Variants in TBC1D22A observed in about 807,000 individuals in gnomAD.
The protein encoded by TBC1D22A is putative GTPase activator.
TBC1D22A carries 38 observed loss-of-function variants against 60.2 expected under a neutral mutation model. The observed-to-expected ratio is 0.63, with a 90% CI of 0.49 to 0.83. The LOEUF is 0.83. Among genes scored for constraint, TBC1D22A ranks in the 40% least tolerant of loss-of-function variants. TBC1D22A has a pLI of 0.00. For missense variants in TBC1D22A, 628 were observed against 701.0 expected, an observed-to-expected ratio of 0.90 and a Z score of 1.18; for synonymous variants, 302 against 281.7, an observed-to-expected ratio of 1.07 and a Z score of -0.72.
At chr22:47,077,142 G>T (rs970534453) in intron 11 of TBC1D22A, among the ~76,000 whole-genome samples, 2 of 152,212 alleles carry the variant, frequency 1.3e-5, no homozygotes, top group Non-Finnish European at 2.9e-5. Flanking sequence ...AAAAATTGTG[G>T]ATTCTCTTAT....
intron 8 of TBC1D22A, among the ~76,000 whole-genome samples, chr22:46,967,544 A>G (rs1053593968): frequency 6.6e-6 from 1 of 152,216 alleles, no homozygotes; most frequent in Non-Finnish European, 1.5e-5. Context: ...GGTAACGGCA[A>G]TAGCTCCCTC....
chr22:47,041,654 G>T (rs1213955994), intron 11 of TBC1D22A, among the ~76,000 whole-genome samples: 1 of 152,246 alleles, frequency 6.6e-6, no homozygotes, highest in Admixed American at 6.5e-5. Flanking sequence ...CTAGTTCTGT[G>T]CTTAGCTGTG....
At chr22:47,015,201 G>T (rs186803715) in intron 10 of TBC1D22A, among the ~76,000 whole-genome samples, 34 of 152,342 alleles carry the variant, frequency 2.2e-4, no homozygotes, top group African/African-American at 8.2e-4. Flanking sequence ...GCTGAAGGTG[G>T]CCTATGTCAG....
intron 10 of TBC1D22A, among the ~76,000 whole-genome samples, chr22:47,030,365 G>A (rs1026998587): frequency 2.0e-5 from 3 of 152,176 alleles, no homozygotes; most frequent in African/African-American, 7.2e-5. Flanking sequence ...AATGGGATAC[G>A]TGTTTTTTCC....
At chr22:46,809,867 G>A (rs571421868) in intron 4 of TBC1D22A, among the ~76,000 whole-genome samples, 13 of 152,038 alleles carry the variant, frequency 8.6e-5, no homozygotes, top group African/African-American at 2.7e-4. Context: ...CTATATAGAT[G>A]GCATTTGTTG....
chr22:46,884,378 C>T (rs2068004606), intron 5 of TBC1D22A, among the ~76,000 whole-genome samples: 1 of 152,190 alleles, frequency 6.6e-6, no homozygotes, highest in African/African-American at 2.4e-5. Flanking sequence ...AGAGGGCTTA[C>T]CCGTTCCCTC....
chr22:47,061,703 G>A (rs1475888700), intron 11 of TBC1D22A, among the ~76,000 whole-genome samples: 6 of 151,998 alleles, frequency 3.9e-5, no homozygotes, highest in Non-Finnish European at 7.4e-5. Context: ...TTGCATTGTC[G>A]GTGGTTTGTG....
At chr22:46,809,445 G>A (rs545271577) in intron 4 of TBC1D22A, among the ~76,000 whole-genome samples, 2 of 152,270 alleles carry the variant, frequency 1.3e-5, no homozygotes, top group Middle Eastern at 3.4e-3. Flanking sequence ...TTCAACATAC[G>A]AATTTGAGGA....
chr22:47,099,450 GTT>G (rs534970567), intron 11 of TBC1D22A, among the ~76,000 whole-genome samples: 2 of 145,030 alleles, frequency 1.4e-5, no homozygotes, highest in Non-Finnish European at 1.5e-5. Context: ...TTCTTTTGTT[GTT>G]TTTTTTTTTT....
intron 11 of TBC1D22A, among the ~76,000 whole-genome samples, chr22:47,061,120 C>T (rs901291414): frequency 2.7e-5 from 4 of 145,894 alleles, no homozygotes; most frequent in African/African-American, 1.1e-4. Context: ...CCCTCACCAC[C>T]GTCCTGGAAA....
chr22:46,990,671 C>T lies in TBC1D22A; in HGVS notation c.1126-6963C>T, dbSNP rs1240046973. ...CTGTTCATCCCCTTCCACCCAACCC[C>T]TGGGCTTTTTACTGTCTCCATAGTT... is the stretch of plus-strand genomic sequence containing the variant. On this transcript the variant is annotated intron_variant, in intron 9 of 12. Coordinates refer to ENST00000337137, the MANE Select transcript of TBC1D22A (RefSeq NM_014346.5). This position sits in a 1 kb window ranked among gnomAD's most constrained non-coding sequence, Gnocchi z 4.6. 6.6e-6 allele frequency among the ~76,000 whole-genome samples: 1 copy of T among 152,182 alleles called. No individual in the cohort carries two copies. Among genetic ancestry groups the T allele is most frequent in the African/African-American group, 2.4e-5 (1 of 41,438 alleles).
At chr22:47,018,103 T>A (rs2061964018) in intron 10 of TBC1D22A, among the ~76,000 whole-genome samples, 1 of 152,256 alleles carries the variant, frequency 6.6e-6, no homozygotes, top group African/African-American at 2.4e-5. Context: ...TTCTGGGCAC[T>A]GAGGCCTGTG....
At chr22:46,906,436 A>C (rs1465379592) in intron 7 of TBC1D22A, among the ~76,000 whole-genome samples, 2 of 152,172 alleles carry the variant, frequency 1.3e-5, no homozygotes, top group Non-Finnish European at 2.9e-5. Context: ...GCCGCTGTCT[A>C]CAGTGGGAAT....
intron 11 of TBC1D22A, among the ~76,000 whole-genome samples, chr22:47,109,653 A>T (rs1457754858): frequency 6.6e-6 from 1 of 152,122 alleles, no homozygotes; most frequent in African/African-American, 2.4e-5. Context: ...AGTCTCCTAC[A>T]GCCTTTTCCA....
At chr22:47,016,046 T>C (rs2061902657) in intron 10 of TBC1D22A, among the ~76,000 whole-genome samples, 1 of 151,916 alleles carries the variant, frequency 6.6e-6, no homozygotes, top group South Asian at 2.1e-4. Flanking sequence ...GAAGTAGGGG[T>C]TCCTGAAGAG....
intron 9 of TBC1D22A, among the ~76,000 whole-genome samples, chr22:46,994,018 T>C (rs1213605977): frequency 9.2e-5 from 14 of 152,246 alleles, no homozygotes. Flanking sequence ...GAAGCCAGAA[T>C]GCCGAGGCCA....
chr22:46,840,266 CA>C (rs1311125587), intron 4 of TBC1D22A, among the ~76,000 whole-genome samples: 1 of 152,082 alleles, frequency 6.6e-6, no homozygotes, highest in African/African-American at 2.4e-5. Context: ...GAAAACCAAA[CA>C]AACTAAATAA....
chr22:47,003,541 C>G (rs2061468513), intron 10 of TBC1D22A, among the ~76,000 whole-genome samples: 1 of 146,112 alleles, frequency 6.8e-6, no homozygotes. Flanking sequence ...CCTACACACA[C>G]ATGCCTGTAT....
chr22:47,161,549 A>G (rs1276946278), intron 12 of TBC1D22A, among the ~76,000 whole-genome samples: 1 of 152,250 alleles, frequency 6.6e-6, no homozygotes, highest in African/African-American at 2.4e-5. Flanking sequence ...TTACTGTGAA[A>G]AAGTTTAAAA....
Sources: gnomAD v4.1 joint callset for allele counts (sites outside exome capture counted in the v4.1 genomes callset) on GRCh38, gnomAD v4.1.1 for gene constraint, Gnocchi (gnomAD v3.1) non-coding constraint, MANE v1.5 for transcripts, NCBI Gene and HGNC (gene_info 2026-07-23, HGNC 2026-07-21) for gene names.